FGD6: variants seen among roughly 807,000 people sequenced by gnomAD.
FGD6 encodes the protein FYVE, RhoGEF and PH domain containing 6.
Under a neutral mutation model 149.4 loss-of-function variants are expected in FGD6, and 90 were observed. The observed-to-expected ratio is 0.60, with a 90% CI of 0.51 to 0.72. The LOEUF is 0.72. FGD6 is among the 30% of genes least tolerant of loss of function. The pLI, the probability that FGD6 is intolerant of heterozygous loss-of-function variation, is 0.00. For synonymous variants in FGD6, 527 were observed against 584.0 expected (o/e 0.90, Z 1.41); for missense variants, 1,437 against 1,684.8 (o/e 0.85, Z 2.57).
At chr12:95,205,920 GGCTGCCCTACTTGACA>G (rs1318837745) in intron 2 of FGD6, among the ~76,000 whole-genome samples, 2 of 152,190 alleles carry the variant, frequency 1.3e-5, no homozygotes, top group Non-Finnish European at 2.9e-5. Flanking sequence ...GCTTTTACCA[GGCTGCCCTACTTGACA>G]GCCTATAACC....
chr12:95,109,297 C>T (rs1878735096), intron 9 of FGD6, among the ~76,000 whole-genome samples: 1 of 152,164 alleles, frequency 6.6e-6, no homozygotes, highest in Admixed American at 6.5e-5. Flanking sequence ...ATTCTCAACC[C>T]AAGGCCATAG....
intron 8 of FGD6, among the ~76,000 whole-genome samples, chr12:95,127,433 A>G (rs541599729): frequency 2.6e-5 from 4 of 152,254 alleles, no homozygotes; most frequent in African/African-American, 9.6e-5. Context: ...AGTCCCAGCT[A>G]CTCGGGCGGT....
intron 2 of FGD6, among the ~76,000 whole-genome samples, chr12:95,198,762 T>C (rs553564541): frequency 3.0e-4 from 45 of 152,328 alleles, no homozygotes; most frequent in African/African-American, 1.1e-3. Context: ...CTAAAACTCA[T>C]GCTATTTATG....
intron 8 of FGD6, chr12:95,125,948 G>A: frequency 6.9e-7 from 1 of 1,452,416 alleles, no homozygotes. Context: ...TCATCCTCAA[G>A]TTTCCATACA....
Position 95,186,225 on chromosome 12 carries a change from C to CTTTTTTTTTTTT in FGD6, c.2442-13482_2442-13481insAAAAAAAAAAAA, listed in dbSNP as rs1881428152. Among the ~76,000 whole-genome samples the CTTTTTTTTTTTT allele has an allele frequency of 3.8e-4, 27 of 71,200 alleles. 13 individuals carry two copies. The East Asian group carries it at 5.3e-3, about 14-fold the overall frequency. 46.7% of individuals were successfully genotyped at this position (71,200 alleles called of 152,430 possible). A position where few individuals can be genotyped will look rare whatever the true frequency, so the allele number is the denominator to read the frequency against. ...AGCTAAGAATGCTTCTTATATTCTT[C>CTTTTTTTTTTTT]TTCTTTTTTTTTTTTTTTTTTTTTT... On this transcript the variant is annotated intron_variant, in intron 2 of 20. Coordinates refer to ENST00000343958, the MANE Select transcript of FGD6 (RefSeq NM_018351.4).
chr12:95,193,108 T>G lies in FGD6; in HGVS notation c.2441+15735A>C, dbSNP rs1270751702. On this transcript the variant is annotated intron_variant, in intron 2 of 20. Coordinates refer to ENST00000343958, the MANE Select transcript of FGD6 (RefSeq NM_018351.4). ...ACAGTTTGGCAGCTTCTTATAAAAC[T>G]AAACATGCAATTCCCACACAACCCC... Among the ~76,000 whole-genome samples the G allele has an allele frequency of 4.6e-5, 7 of 152,158 alleles. No homozygotes were observed. The East Asian group carries it at 1.3e-3, about 29-fold the overall frequency.
At chr12:95,147,243 A>T (rs1880043950) in intron 5 of FGD6, among the ~76,000 whole-genome samples, 1 of 152,194 alleles carries the variant, frequency 6.6e-6, no homozygotes, top group African/African-American at 2.4e-5. Context: ...GAGGTGGGAA[A>T]GTCCCCACAT....
intron 5 of FGD6, among the ~76,000 whole-genome samples, chr12:95,144,730 C>T (rs1447402768): frequency 6.6e-6 from 1 of 151,810 alleles, no homozygotes. Flanking sequence ...TCTTGTTGCC[C>T]AGGCTGGAGT....
chr12:95,158,163 CT>C (rs11294901), intron 3 of FGD6, among the ~76,000 whole-genome samples: 49,608 of 81,290 alleles, frequency 0.61, 15,139 homozygotes, highest in Admixed American at 0.64. Flanking sequence ...CATTCACTCA[CT>C]TTTTTTTTTT....
chr12:95,101,787 A>C (rs1362336920), intron 14 of FGD6, among the ~76,000 whole-genome samples: 1 of 150,430 alleles, frequency 6.6e-6, no homozygotes, highest in Non-Finnish European at 1.5e-5. Flanking sequence ...GGTTCAAGCA[A>C]TTCTCCTGCC....
At position 95,078,605 on chromosome 12, in the gene FGD6, G is replaced by C. The variant is rs1161555682; in HGVS notation, c.*2915C>G. The C allele has an allele frequency of 6.6e-6, 1 of 152,130 alleles. No homozygotes were observed. Among genetic ancestry groups the C allele is most frequent in the East Asian group, 1.9e-4 (1 of 5,192 alleles). 9.4% of individuals were successfully genotyped at this position (152,130 alleles called of 1,614,324 possible). On this transcript the variant is annotated 3_prime_UTR_variant, in exon 21 of 21. Coordinates refer to ENST00000343958, the MANE Select transcript of FGD6 (RefSeq NM_018351.4). ...ACACACTCAAAGAATCAAGAATCTT[G>C]GGCAACCAAAATACAATAGGGGGAT...
chr12:95,204,699 T>C (rs376418907), intron 2 of FGD6, among the ~76,000 whole-genome samples: 3 of 141,154 alleles, frequency 2.1e-5, no homozygotes, highest in African/African-American at 8.0e-5. Context: ...GGGACACACG[T>C]GCATGCACGC....
At chr12:95,103,532 C>T (rs112404237) in intron 14 of FGD6, among the ~76,000 whole-genome samples, 21 of 152,176 alleles carry the variant, frequency 1.4e-4, no homozygotes, top group African/African-American at 4.3e-4. Flanking sequence ...TTTCTTTTCC[C>T]GCCCTCCCTC....
intron 3 of FGD6, among the ~76,000 whole-genome samples, chr12:95,161,325 G>A (rs543728040): frequency 2.0e-5 from 3 of 152,082 alleles, no homozygotes; most frequent in Admixed American, 6.6e-5. Flanking sequence ...GTAAAACCCC[G>A]TCTCCACTAA....
chr12:95,161,837 T>C (rs1394099592), intron 3 of FGD6, among the ~76,000 whole-genome samples: 1 of 152,180 alleles, frequency 6.6e-6, no homozygotes, highest in African/African-American at 2.4e-5. Flanking sequence ...CACCCGCCCA[T>C]TCACTGCTCT....
chr12:95,190,942 C>T (rs1458583709), intron 2 of FGD6, among the ~76,000 whole-genome samples: 1 of 152,140 alleles, frequency 6.6e-6, no homozygotes, highest in East Asian at 1.9e-4. Flanking sequence ...CTAGACCCTT[C>T]ACCAGAACAT....
intron 14 of FGD6, among the ~76,000 whole-genome samples, chr12:95,102,843 C>T (rs1209983762): frequency 1.3e-5 from 2 of 152,168 alleles, no homozygotes; most frequent in Admixed American, 6.5e-5. Context: ...GCTTACTACT[C>T]GTGTAACCTT....
chr12:95,196,255 G>C (rs1383401625), intron 2 of FGD6, among the ~76,000 whole-genome samples: 1 of 152,250 alleles, frequency 6.6e-6, no homozygotes, highest in Non-Finnish European at 1.5e-5. Context: ...CACAGTAACA[G>C]CAGGTTGTGC....
At position 95,209,629 on chromosome 12, in the gene FGD6, GAC is replaced by G; in HGVS notation, c.1653_1654del (p.Ser552IlefsTer4). The G allele has an allele frequency of 6.2e-7, 1 of 1,613,648 alleles. No homozygotes were observed. The highest frequency in any genetic ancestry group is 2.2e-5 in the East Asian group (1 of 44,882). ...CCGTTTAGGCATATCAAAGGAGGAT[GAC>G]ACACCACGGTTTTGGGCACACAAAT... On this transcript the variant is annotated frameshift_variant, in exon 2 of 21. Transcript: ENST00000343958. LOFTEE classifies it high-confidence loss of function.
Sources: gnomAD v4.1 joint callset for allele counts (sites outside exome capture counted in the v4.1 genomes callset) on GRCh38, gnomAD v4.1.1 for gene constraint, MANE v1.5 for transcripts, NCBI Gene and HGNC (gene_info 2026-07-23, HGNC 2026-07-21) for gene names.